Variants in THSD7A observed in about 807,000 individuals in gnomAD.
THSD7A encodes thrombospondin type-1 domain-containing protein 7A.
Under a neutral mutation model 231.3 loss-of-function variants are expected in THSD7A, and 96 were observed. The observed-to-expected ratio is 0.41, with a 90% confidence interval of 0.35 to 0.49. The LOEUF is 0.49. Ranked by LOEUF, THSD7A falls within the 20% of genes least tolerant of loss-of-function variation. The pLI is 0.05. For synonymous variants in THSD7A, 940 were observed against 743.3 expected (o/e 1.26, Z -4.30); for missense variants, 2,290 against 2,070.2 (o/e 1.11, Z -2.06).
At chr7:11,821,143 T>A (rs1784861487) in intron 1 of THSD7A, 2 of 1,102,526 alleles carry the variant, frequency 1.8e-6, no homozygotes, top group African/African-American at 3.1e-5. Context: ...ATTTAGGTAT[T>A]TAGTAAAGTG....
At chr7:11,650,545 T>C (rs2128368232) in intron 1 of THSD7A, among the ~76,000 whole-genome samples, 1 of 152,200 alleles carries the variant, frequency 6.6e-6, no homozygotes, top group South Asian at 2.1e-4. Context: ...TCATTAACAT[T>C]AATTCCCTCA....
intron 1 of THSD7A, among the ~76,000 whole-genome samples, chr7:11,701,044 C>A (rs1235205810): frequency 4.0e-5 from 6 of 151,216 alleles, no homozygotes; most frequent in African/African-American, 1.5e-4. Context: ...GTAATTCCGA[C>A]TACTTTTAAA....
At chr7:11,718,318 T>C (rs1160637459) in intron 1 of THSD7A, among the ~76,000 whole-genome samples, 1 of 151,660 alleles carries the variant, frequency 6.6e-6, no homozygotes, top group Middle Eastern at 3.2e-3. Context: ...CCAAATTGCC[T>C]AACCTGTCTA....
At chr7:11,784,644 T>C (rs1783730757) in intron 1 of THSD7A, among the ~76,000 whole-genome samples, 1 of 152,122 alleles carries the variant, frequency 6.6e-6, no homozygotes, top group Non-Finnish European at 1.5e-5. Flanking sequence ...TTGAGTAGTA[T>C]GTTTTCTGTT....
Position 11,831,713 on chromosome 7 carries a change from C to A in THSD7A, c.190+44G>T. On this transcript the variant is annotated intron_variant, in intron 1 of 27. Coordinates refer to ENST00000423059, the MANE Select transcript of THSD7A (RefSeq NM_015204.3). The surrounding 1 kb of genome is among the most constrained non-coding windows in gnomAD (Gnocchi z 5.0). Reference sequence around the variant, plus strand: ...GAAGCCCACCAGCTCCTTAATGTGGCCCCAGATGTGAAGATGGGGAAAGGG... The same window carrying A: ...GAAGCCCACCAGCTCCTTAATGTGGACCCAGATGTGAAGATGGGGAAAGGG... 1.5e-6 allele frequency: 2 copies of A among 1,336,146 alleles called. No homozygotes were observed. The highest frequency in any genetic ancestry group is 1.9e-6 in the Non-Finnish European group (2 of 1,032,770). 82.8% of individuals were successfully genotyped at this position (1,336,146 alleles called of 1,614,324 possible). A position where few individuals can be genotyped will look rare whatever the true frequency, so the allele number is the denominator to read the frequency against.
At chr7:11,743,154 C>G (rs147321518) in intron 1 of THSD7A, among the ~76,000 whole-genome samples, 1 of 151,926 alleles carries the variant, frequency 6.6e-6, no homozygotes, top group African/African-American at 2.4e-5. Flanking sequence ...TTAACATTTA[C>G]GAACACATAC....
chr7:11,827,909 T>G (rs966108723), intron 1 of THSD7A, among the ~76,000 whole-genome samples: 1 of 152,186 alleles, frequency 6.6e-6, no homozygotes, highest in Admixed American at 6.5e-5. Flanking sequence ...ATGAAAACCT[T>G]GATGGCATTT....
chr7:11,577,862 A>G (rs1429721591), intron 4 of THSD7A, among the ~76,000 whole-genome samples: 1 of 152,102 alleles, frequency 6.6e-6, no homozygotes, highest in Non-Finnish European at 1.5e-5. Flanking sequence ...TCAGCAATGG[A>G]CTACTACTTA....
chr7:11,448,930 G>A (rs939623119), intron 11 of THSD7A, among the ~76,000 whole-genome samples: 10 of 152,084 alleles, frequency 6.6e-5, no homozygotes, highest in Non-Finnish European at 1.2e-4. Flanking sequence ...CTGGTAGGGT[G>A]AACAGTGTTG....
intron 9 of THSD7A, 23 bp downstream of exon 9, chr7:11,469,856 C>A: frequency 6.6e-7 from 1 of 1,525,192 alleles, no homozygotes; most frequent in South Asian, 1.2e-5. Context: ...GGTGAACAGC[C>A]TTCCTAACTC....
chr7:11,721,225 G>A lies in THSD7A; in HGVS notation c.191-84264C>T, dbSNP rs1781339067. 2.6e-5 allele frequency among the ~76,000 whole-genome samples: 4 copies of A among 151,804 alleles called. No homozygotes were observed. In the Middle Eastern group the frequency reaches 0.01, roughly 387 times the overall value. On this transcript the variant is annotated intron_variant, in intron 1 of 27. Transcript: ENST00000423059. ...GCATTCCCACTACACTACCTGATAT[G>A]GTTTTAATTTGTGTCTCCACTCAAA...
intron 6 of THSD7A, among the ~76,000 whole-genome samples, chr7:11,485,680 TG>T (rs1223756939): frequency 3.3e-5 from 5 of 152,164 alleles, no homozygotes; most frequent in Non-Finnish European, 7.4e-5. Context: ...TGAACTAGAT[TG>T]GGGTTCTTCT....
At chr7:11,398,581 G>T (rs1436646991) in intron 23 of THSD7A, among the ~76,000 whole-genome samples, 1 of 152,042 alleles carries the variant, frequency 6.6e-6, no homozygotes, top group Non-Finnish European at 1.5e-5. Flanking sequence ...ATTAAGAAAA[G>T]AATATGTTCT....
intron 1 of THSD7A, among the ~76,000 whole-genome samples, chr7:11,739,985 T>C (rs970461375): frequency 6.6e-6 from 1 of 152,010 alleles, no homozygotes; most frequent in African/African-American, 2.4e-5. Flanking sequence ...GGTGACATTT[T>C]AAGAGACCAC....
At chr7:11,743,854 A>G (rs1365808115) in intron 1 of THSD7A, among the ~76,000 whole-genome samples, 1 of 151,912 alleles carries the variant, frequency 6.6e-6, no homozygotes, top group Admixed American at 6.6e-5. Flanking sequence ...TTGACTTTTT[A>G]AAAAGTTTTG....
chr7:11,783,231 C>CA (rs1487551943), intron 1 of THSD7A, among the ~76,000 whole-genome samples: 3 of 152,142 alleles, frequency 2.0e-5, no homozygotes, highest in African/African-American at 7.2e-5. Flanking sequence ...CCTGACCTGC[C>CA]AAAAATCATA....
intron 1 of THSD7A, among the ~76,000 whole-genome samples, chr7:11,682,910 G>A (rs1460732589): frequency 6.6e-6 from 1 of 151,952 alleles, no homozygotes; most frequent in African/African-American, 2.4e-5. Context: ...GGATCATGAG[G>A]TCAGGAGTTG....
intron 1 of THSD7A, among the ~76,000 whole-genome samples, chr7:11,656,719 T>C (rs185346514): frequency 9.2e-5 from 14 of 151,948 alleles, no homozygotes; most frequent in African/African-American, 3.1e-4. Context: ...CATCAACATA[T>C]CATTGCCCAT....
chr7:11,405,669 TTC>T (rs1192688307), intron 22 of THSD7A, among the ~76,000 whole-genome samples: 1 of 152,220 alleles, frequency 6.6e-6, no homozygotes, highest in East Asian at 1.9e-4. Flanking sequence ...AAACAAAATT[TTC>T]TTTCTACTTT....
Sources: gnomAD v4.1 joint callset for allele counts (sites outside exome capture counted in the v4.1 genomes callset) on GRCh38, gnomAD v4.1.1 for gene constraint, Gnocchi (gnomAD v3.1) non-coding constraint, MANE v1.5 for transcripts, NCBI Gene and HGNC (gene_info 2026-07-23, HGNC 2026-07-21) for gene names.